Variants in MLC1 observed in about 807,000 individuals in gnomAD.
The protein encoded by MLC1 is membrane protein MLC1.
Under a neutral mutation model 44.7 loss-of-function variants are expected in MLC1, and 32 were observed. That is an observed-to-expected ratio of 0.72 (90% CI 0.54 to 0.96). MLC1 has a LOEUF of 0.96. MLC1 is among the 40% of genes least tolerant of loss of function. The probability of loss-of-function intolerance (pLI) is 0.00; values close to 1 mark genes in which losing one functional copy is unlikely to be tolerated. For missense variants in MLC1, 459 were observed against 492.2 expected (o/e 0.93, Z 0.64); for synonymous variants, 190 against 213.0 (o/e 0.89, Z 0.94).
intron 5 of MLC1, among the ~76,000 whole-genome samples, chr22:50,079,120 C>G (rs1197468106): frequency 6.6e-6 from 1 of 152,010 alleles, no homozygotes; most frequent in Admixed American, 6.6e-5. Flanking sequence ...CTTGTCTGTA[C>G]TAAAAATACA....
rs2062214861 is a variant in MLC1, at chr22:50,083,956, A to G, written c.177+770T>C. On this transcript the variant is annotated intron_variant, in intron 2 of 11. Coordinates refer to ENST00000311597, the MANE Select transcript of MLC1 (RefSeq NM_015166.4). This position sits in a 1 kb window ranked among gnomAD's most constrained non-coding sequence, Gnocchi z 4.6. ...GCCTCTGTCCCCAGCTCCGAGGCAG[A>G]CGCCTGTCTTGGTGGGGCATGCTCA... 6.6e-6 allele frequency among the ~76,000 whole-genome samples: 1 copy of G among 151,848 alleles called. No individual in the cohort carries two copies. The highest frequency in any genetic ancestry group is 2.1e-4 in the South Asian group (1 of 4,788).
At position 50,060,145 on chromosome 22, in the gene MLC1, G is replaced by A. The variant is rs938483097; in HGVS notation, c.*1438C>T. The A allele has an allele frequency of 3.9e-5, 6 of 152,392 alleles. No individual in the cohort carries two copies. The highest frequency in any genetic ancestry group is 2.1e-4 in the South Asian group (1 of 4,834). 9.4% of individuals were successfully genotyped at this position (152,392 alleles called of 1,614,324 possible). ...CACCCCACGGCGGTGAAGAGAAAAC[G>A]TTCATGTCTTCTCAGATCAGAAGGA... On this transcript the variant is annotated 3_prime_UTR_variant, in exon 12 of 12. Coordinates refer to ENST00000311597, the MANE Select transcript of MLC1 (RefSeq NM_015166.4).
At chr22:50,084,610 G>T in intron 2 of MLC1, 116 bp downstream of exon 2, 1 of 1,115,034 alleles carries the variant, frequency 9.0e-7, no homozygotes, top group Non-Finnish European at 1.4e-6. Flanking sequence ...TGCAGCAGCA[G>T]GGTTAGTCTG....
chr22:50,083,175 T>C lies in MLC1; in HGVS notation c.178-2A>G. ...CCCCGAGGTCACCAGGAGGCAGCTC[T>C]GCAAGACAGCGACAGAATCCCAGGT... On this transcript the variant is annotated splice_acceptor_variant, in intron 2 of 11. Transcript: ENST00000311597. LOFTEE classifies it high-confidence loss of function. This position sits in a 1 kb window ranked among gnomAD's most constrained non-coding sequence, Gnocchi z 4.6. 6.2e-7 allele frequency: 1 copy of C among 1,613,620 alleles called. No homozygotes were observed. The highest frequency in any genetic ancestry group is 1.1e-5 in the South Asian group (1 of 91,074).
Position 50,081,049 on chromosome 22 carries a change from G to GAAAGAA in MLC1, c.268-658_268-653dup, listed in dbSNP as rs1555968067. 1.1e-3 allele frequency among the ~76,000 whole-genome samples: 168 copies of GAAAGAA among 149,854 alleles called. 1 individual carries two copies. The highest frequency in any genetic ancestry group is 4.1e-3 in the African/African-American group (163 of 39,668). Reference sequence around the variant, plus strand: ...AGAAAGAAAGAAAGAAAGAAAGAAAGAAAGAAAGAGGAGGTCTGGTGCAGT... The same window carrying GAAAGAA: ...AGAAAGAAAGAAAGAAAGAAAGAAAGAAAGAAAAAGAAAGAGGAGGTCTGGTGCAGT... On this transcript the variant is annotated intron_variant, in intron 3 of 11. Coordinates refer to ENST00000311597, the MANE Select transcript of MLC1 (RefSeq NM_015166.4).
At chr22:50,062,751 T>C (rs1047519477) in intron 11 of MLC1, among the ~76,000 whole-genome samples, 1 of 152,238 alleles carries the variant, frequency 6.6e-6, no homozygotes, top group Non-Finnish European at 1.5e-5. Context: ...GCTGAGTGGC[T>C]GCCCAGGTGT....
rs144833826 is a variant in MLC1, at chr22:50,081,338, G to A, written c.268-941C>T. On this transcript the variant is annotated intron_variant, in intron 3 of 11. Coordinates refer to ENST00000311597, the MANE Select transcript of MLC1 (RefSeq NM_015166.4). ...AGCCTGTGTGACAGAGCAAGACTCC[G>A]TCAAAGAAAGAAAGAAAGAAAAAAA... Among the ~76,000 whole-genome samples, 1,080 of 151,820 alleles carry A rather than the reference G, an allele frequency of 7.1e-3. 11 individuals carry two copies. Among genetic ancestry groups the A allele is most frequent in the African/African-American group, 0.025 (1,020 of 41,382 alleles).
At chr22:50,079,500 C>CTTTT (rs55760839) in intron 5 of MLC1, among the ~76,000 whole-genome samples, 3,053 of 75,808 alleles carry the variant, frequency 0.04, 200 homozygotes, top group Non-Finnish European at 0.059. Context: ...GGATTTTTGT[C>CTTTT]TTTTTTTTTT....
chr22:50,071,833 C>T (rs900977082), intron 8 of MLC1, among the ~76,000 whole-genome samples: 5 of 152,216 alleles, frequency 3.3e-5, no homozygotes, highest in Admixed American at 6.5e-5. Flanking sequence ...TTCATCTCCC[C>T]GAAGGTGTCC....
At chr22:50,068,579 G>T in intron 9 of MLC1, 24 bp from the exon 10 acceptor site, 1 of 1,604,336 alleles carries the variant, frequency 6.2e-7, no homozygotes. Flanking sequence ...GCGGGTTGCA[G>T]GACCACGGCC....
intron 8 of MLC1, 25 bp downstream of exon 8, chr22:50,074,191 C>T (rs749783960): frequency 2.3e-5 from 37 of 1,582,522 alleles, no homozygotes; most frequent in South Asian, 1.3e-4. Flanking sequence ...AGAGCGGCGG[C>T]GGGCGGGCCA....
chr22:50,083,154 G>T lies in MLC1; in HGVS notation c.197C>A (p.Ser66Ter). Residue 66 changes from serine to a stop codon, truncating the protein, a stop_gained, in exon 3 of 12, where the codon TCG (serine) becomes TAG (stop). Coordinates refer to ENST00000311597, the MANE Select transcript of MLC1 (RefSeq NM_015166.4). LOFTEE classifies it high-confidence loss of function. This position sits in a 1 kb window ranked among gnomAD's most constrained non-coding sequence, Gnocchi z 4.6. ...VLMGSCLLVT[S>*]GFSLYLGNVF... The stretch of plus-strand genomic sequence containing the variant: ...GTTCCCCAGGTACAGCGAAAACCCC[G>T]AGGTCACCAGGAGGCAGCTCTGCAA... The T allele has an allele frequency of 6.2e-7, 1 of 1,614,008 alleles. No homozygotes were observed. The highest frequency in any genetic ancestry group is 8.5e-7 in the Non-Finnish European group (1 of 1,179,984).
At chr22:50,074,773 G>T in intron 7 of MLC1, 1 of 229,510 alleles carries the variant, frequency 4.4e-6, no homozygotes, top group Non-Finnish European at 8.8e-6. Context: ...TGCCATGTGG[G>T]TTTGCCATTG....
intron 7 of MLC1, among the ~76,000 whole-genome samples, chr22:50,075,989 A>T (rs1407306859): frequency 6.6e-6 from 1 of 152,174 alleles, no homozygotes; most frequent in African/African-American, 2.4e-5. Context: ...ATACTGAAAA[A>T]TTTCCCATCC....
chr22:50,075,118 CG>C, intron 7 of MLC1, among the ~76,000 whole-genome samples: 1 of 148,544 alleles, frequency 6.7e-6, no homozygotes, highest in Non-Finnish European at 1.5e-5. Context: ...CAACCAGCAC[CG>C]CCAGACTCAG....
intron 10 of MLC1, 78 bp from the exon 11 acceptor site, chr22:50,064,276 G>A (rs1461539442): frequency 1.4e-5 from 21 of 1,520,770 alleles, no homozygotes; most frequent in Admixed American, 2.0e-5. Context: ...TCGTGCCCAC[G>A]GCCTTCACAA....
In MLC1 at chr22:50,080,328, T is replaced by G. The variant is rs776044137; in HGVS notation, c.321+16A>C. 6.2e-7 allele frequency: 1 copy of G among 1,602,948 alleles called. No homozygotes were observed. The highest frequency in any genetic ancestry group is 1.3e-5 in the African/African-American group (1 of 74,724). ...GGCTTTCTCCCTGGCAGAGGCTGCC[T>G]GCAAGCTAGACTCACCACATTGGCG... On this transcript the variant is annotated intron_variant, in intron 4 of 11. Coordinates refer to ENST00000311597, the MANE Select transcript of MLC1 (RefSeq NM_015166.4).
At chr22:50,065,322 G>A (rs1353468089) in intron 10 of MLC1, among the ~76,000 whole-genome samples, 5 of 151,772 alleles carry the variant, frequency 3.3e-5, no homozygotes, top group South Asian at 2.1e-4. Flanking sequence ...TTGCTCTTCG[G>A]TTGTTGAGAC....
Position 50,059,788 on chromosome 22 carries a change from G to A in MLC1, c.*1795C>T, listed in dbSNP as rs961124238. ...TGGCCAAAGTGTTTGCCCGGCCCCTGACTGTGTCCTTCCGGAGCTGCCGAG... is the reference window on the plus strand; with the variant it reads ...TGGCCAAAGTGTTTGCCCGGCCCCTAACTGTGTCCTTCCGGAGCTGCCGAG... On this transcript the variant is annotated 3_prime_UTR_variant, in exon 12 of 12. Transcript: ENST00000311597. The A allele has an allele frequency of 1.3e-5, 2 of 152,374 alleles. No homozygotes were observed. Among genetic ancestry groups the A allele is most frequent in the Non-Finnish European group, 2.9e-5 (2 of 68,066 alleles). 9.4% of individuals were successfully genotyped at this position (152,374 alleles called of 1,614,324 possible).
Sources: allele counts gnomAD v4.1 joint callset (sites outside exome capture counted in the v4.1 genomes callset), GRCh38; gene constraint gnomAD v4.1.1; non-coding constraint Gnocchi (gnomAD v3.1); transcripts MANE v1.5; gene names NCBI Gene and HGNC (gene_info 2026-07-23, HGNC 2026-07-21).